TWIST2: variants seen among roughly 807,000 people sequenced by gnomAD.
TWIST2 encodes the protein twist family bHLH transcription factor 2.
TWIST2 carries 1 observed loss-of-function variant against 11.6 expected under a neutral mutation model. The ratio of observed to expected loss-of-function variants is 0.09; its 90% CI spans 0.03 to 0.41. TWIST2 has a LOEUF of 0.41. Among genes scored for constraint, TWIST2 ranks in the 10% least tolerant of loss-of-function variants. The probability of loss-of-function intolerance (pLI) is 0.98; values close to 1 mark genes in which losing one functional copy is unlikely to be tolerated. For missense variants in TWIST2, 168 were observed against 226.4 expected (o/e 0.74, Z 1.66); for synonymous variants, 87 against 96.6 (o/e 0.90, Z 0.58).
At chr2:238,848,768 G>C (rs1387762975) in intron 1 of TWIST2, 35 bp downstream of exon 1, 5 of 1,321,858 alleles carry the variant, frequency 3.8e-6, no homozygotes, top group Non-Finnish European at 4.8e-6. Flanking sequence ...GCCCTCCGCT[G>C]CGGGGGGCGG....
At chr2:238,895,179 T>C in intron 1 of TWIST2, among the ~76,000 whole-genome samples, 1 of 152,342 alleles carries the variant, frequency 6.6e-6, no homozygotes, top group Middle Eastern at 3.4e-3. Flanking sequence ...CAAAAGACAT[T>C]TGTAAAGTTC....
intron 1 of TWIST2, among the ~76,000 whole-genome samples, chr2:238,854,441 A>G (rs1241831847): frequency 2.0e-5 from 3 of 152,108 alleles, no homozygotes; most frequent in Non-Finnish European, 4.4e-5. Flanking sequence ...ACCTTGACTA[A>G]ACATCAGACC....
chr2:238,848,533 G>T lies in TWIST2; in HGVS notation c.318G>T (p.Thr106=). Residue 106 remains threonine, a synonymous_variant, in exon 1 of 2, where the codon ACG becomes ACT. Transcript: ENST00000612363. ...CTGACAAGCTGAGCAAGATCCAGAC[G>T]CTCAAGCTGGCCGCCAGGTACATAG... ...LPSDKLSKIQ[T]LKLAARYIDF... The T allele has an allele frequency of 6.3e-7, 1 of 1,592,628 alleles. No homozygotes were observed. The highest frequency in any genetic ancestry group is 1.1e-5 in the South Asian group (1 of 87,560).
intron 1 of TWIST2, among the ~76,000 whole-genome samples, chr2:238,900,919 G>A (rs1488059274): frequency 1.3e-5 from 2 of 151,624 alleles, no homozygotes; most frequent in Admixed American, 6.6e-5. Context: ...AATCCTGAAC[G>A]TGGAGACACG....
intron 1 of TWIST2, among the ~76,000 whole-genome samples, chr2:238,905,919 AGGTGTGCGTGTGCGCGTGTGTGTG>A: frequency 9.1e-6 from 1 of 110,090 alleles, no homozygotes; most frequent in East Asian, 2.8e-4. Flanking sequence ...GTGTGCGTGC[AGGTGTGCGTGTGCGCGTGTGTGTG>A]CGCGCGCGTG....
intron 1 of TWIST2, among the ~76,000 whole-genome samples, chr2:238,883,947 G>A (rs1047638596): frequency 1.1e-4 from 17 of 152,248 alleles, no homozygotes; most frequent in Admixed American, 9.8e-4. Flanking sequence ...TGTGGTTTCC[G>A]TCCTTCCTTC....
chr2:238,908,006 TACAC>T (rs1258525618), intron 1 of TWIST2, among the ~76,000 whole-genome samples: 14 of 142,972 alleles, frequency 9.8e-5, no homozygotes, highest in Non-Finnish European at 2.1e-4. Flanking sequence ...ACGCACCACA[TACAC>T]AAACACATAC....
chr2:238,902,135 C>T (rs1228748332), intron 1 of TWIST2, among the ~76,000 whole-genome samples: 1 of 152,092 alleles, frequency 6.6e-6, no homozygotes, highest in African/African-American at 2.4e-5. Flanking sequence ...TTTTACCCCT[C>T]CAGGGTCCCC....
intron 1 of TWIST2, among the ~76,000 whole-genome samples, chr2:238,907,706 T>C (rs1348055364): frequency 7.9e-5 from 12 of 151,044 alleles, no homozygotes; most frequent in African/African-American, 2.9e-4. Context: ...CACACACAAA[T>C]GCACACAATA....
chr2:238,880,063 G>T (rs1465513232), intron 1 of TWIST2, among the ~76,000 whole-genome samples: 1 of 152,212 alleles, frequency 6.6e-6, no homozygotes, highest in African/African-American at 2.4e-5. Flanking sequence ...GTTAGTGTTA[G>T]TATTAGTGTT....
At chr2:238,849,869 G>A (rs1406604039) in intron 1 of TWIST2, among the ~76,000 whole-genome samples, 1 of 152,234 alleles carries the variant, frequency 6.6e-6, no homozygotes, top group Non-Finnish European at 1.5e-5. Context: ...GGGGCACAGA[G>A]TTCTTTTTGC....
chr2:238,878,121 C>T (rs1231347627), intron 1 of TWIST2, among the ~76,000 whole-genome samples: 1 of 152,160 alleles, frequency 6.6e-6, no homozygotes, highest in Non-Finnish European at 1.5e-5. Flanking sequence ...CCAAGAACAG[C>T]CCAGGATGTC....
At chr2:238,876,573 C>T (rs1467311172) in intron 1 of TWIST2, among the ~76,000 whole-genome samples, 2 of 152,180 alleles carry the variant, frequency 1.3e-5, no homozygotes, top group African/African-American at 4.8e-5. Context: ...TGGTATCTAC[C>T]AAAACCTGTC....
chr2:238,905,987 G>A lies in TWIST2; in HGVS notation c.*36-3855G>A, dbSNP rs946815204. On this transcript the variant is annotated intron_variant, in intron 1 of 1. Transcript: ENST00000612363. ...TGCGTGTGTGTGCGCGCGCGTGTAC[G>A]TGCGCGTGTGTGCGTGTGCGTGTGT... Among the ~76,000 whole-genome samples, 17 of 144,702 alleles carry A rather than the reference G, an allele frequency of 1.2e-4. No individual in the cohort carries two copies. The East Asian group carries it at 2.0e-3, about 17-fold the overall frequency. The allele number at this position is 144,702 out of a possible 152,430, so 94.9% of individuals were successfully genotyped here. A position where few individuals can be genotyped will look rare whatever the true frequency, so the allele number is the denominator to read the frequency against.
At chr2:238,892,211 G>C (rs1489307151) in intron 1 of TWIST2, among the ~76,000 whole-genome samples, 2 of 152,094 alleles carry the variant, frequency 1.3e-5, no homozygotes, top group Admixed American at 1.3e-4. Context: ...CTCACCTCAC[G>C]GCGGAACGCA....
chr2:238,907,286 C>T (rs1300326977), intron 1 of TWIST2, among the ~76,000 whole-genome samples: 2 of 152,330 alleles, frequency 1.3e-5, no homozygotes, highest in African/African-American at 4.8e-5. Context: ...CATCCCTGTA[C>T]ACCCTGGGTC....
intron 1 of TWIST2, among the ~76,000 whole-genome samples, chr2:238,849,596 G>C (rs955754840): frequency 1.3e-5 from 2 of 152,210 alleles, no homozygotes; most frequent in Non-Finnish European, 2.9e-5. Context: ...GATGGGCGAG[G>C]GGTCCAGGCT....
In TWIST2 at chr2:238,853,544, T is replaced by C. The variant is rs181559477; in HGVS notation, c.*35+4811T>C. 2.0e-5 allele frequency among the ~76,000 whole-genome samples: 3 copies of C among 152,308 alleles called. No individual in the cohort carries two copies. The East Asian group carries it at 5.8e-4, about 29-fold the overall frequency. On this transcript the variant is annotated intron_variant, in intron 1 of 1. Transcript: ENST00000612363. ...AATAATTGTTTAGAAACATATTTTC[T>C]GTTTTTGTTTGGTAGTAACCCTTTG...
At chr2:238,880,747 G>A (rs62647535) in intron 1 of TWIST2, among the ~76,000 whole-genome samples, 1 of 113,440 alleles carries the variant, frequency 8.8e-6, no homozygotes, top group African/African-American at 3.7e-5. Context: ...TAGTGTTAGT[G>A]TTGGTGTTAA....
Sources: gnomAD v4.1 joint callset for allele counts (sites outside exome capture counted in the v4.1 genomes callset) on GRCh38, gnomAD v4.1.1 for gene constraint, MANE v1.5 for transcripts, NCBI Gene and HGNC (gene_info 2026-07-23, HGNC 2026-07-21) for gene names.